The following ADAMTS18 variants were observed in gnomAD, a reference collection of about 807,000 sequenced individuals.
ADAMTS18 encodes the protein ADAM metallopeptidase with thrombospondin type 1 motif 18.
A neutral mutation model predicts 165.9 loss-of-function variants in ADAMTS18; 157 were observed. That is an observed-to-expected ratio of 0.95 (90% CI 0.83 to 1.08). The LOEUF is 1.08. ADAMTS18 is among the 50% of genes least tolerant of loss of function. The pLI, the probability that ADAMTS18 is intolerant of heterozygous loss-of-function variation, is 0.00. For synonymous variants in ADAMTS18, 782 were observed against 578.2 expected (o/e 1.35, Z -5.06); for missense variants, 2,040 against 1,534.0 (o/e 1.33, Z -5.51).
At chr16:77,291,820 C>T (rs1162843685) in intron 20 of ADAMTS18, among the ~76,000 whole-genome samples, 2 of 152,174 alleles carry the variant, frequency 1.3e-5, no homozygotes, top group Non-Finnish European at 2.9e-5. Flanking sequence ...TAGGGTTACA[C>T]ACTTACAGGT....
chr16:77,391,891 G>A (rs961214887), intron 3 of ADAMTS18, among the ~76,000 whole-genome samples: 1 of 152,144 alleles, frequency 6.6e-6, no homozygotes, highest in Non-Finnish European at 1.5e-5. Context: ...TCCACATCAT[G>A]GAAAGAAGGT....
chr16:77,368,534 T>C (rs1468824018), intron 3 of ADAMTS18, among the ~76,000 whole-genome samples: 1 of 151,512 alleles, frequency 6.6e-6, no homozygotes, highest in Non-Finnish European at 1.5e-5. Flanking sequence ...CCTACTGGTC[T>C]CAAGCAATCC....
At chr16:77,416,063 G>A (rs559647728) in intron 3 of ADAMTS18, among the ~76,000 whole-genome samples, 9 of 152,232 alleles carry the variant, frequency 5.9e-5, no homozygotes, top group Non-Finnish European at 8.8e-5. Context: ...CAAGCACTGG[G>A]CAATAAATAA....
intron 4 of ADAMTS18, among the ~76,000 whole-genome samples, chr16:77,365,179 A>AAACAACAACAAC (rs10680519): frequency 2.0e-5 from 3 of 151,482 alleles, no homozygotes; most frequent in African/African-American, 7.3e-5. Flanking sequence ...ATTTCATCTC[A>AAACAACAACAAC]AACAACAAAA....
At chr16:77,300,094 T>C (rs1014421002) in intron 17 of ADAMTS18, 169 bp downstream of exon 17, 14 of 751,200 alleles carry the variant, frequency 1.9e-5, no homozygotes, top group Admixed American at 1.3e-4. Flanking sequence ...CCTTACCACA[T>C]AGGAAAACCC....
intron 3 of ADAMTS18, among the ~76,000 whole-genome samples, chr16:77,381,801 C>CA (rs2057034996): frequency 6.6e-6 from 1 of 151,936 alleles, no homozygotes; most frequent in South Asian, 2.1e-4. Context: ...GACTCCATCT[C>CA]AAAAAAATAA....
chr16:77,335,817 C>T lies in ADAMTS18; in HGVS notation c.1798G>A (p.Glu600Lys). 1 of 1,614,232 alleles carries T rather than the reference C, an allele frequency of 6.2e-7. No individual in the cohort carries two copies. The highest frequency in any genetic ancestry group is 8.5e-7 in the Non-Finnish European group (1 of 1,180,050). Residue 600 changes from glutamate (E) to lysine (K), a missense_variant, in exon 12 of 23, where the codon GAA (glutamate) becomes AAA (lysine). Transcript: ENST00000282849. ...CCTCCACCACATGTCCGGGAACATTCTGACCACTTCGACCAGGCGGACCAC... is the reference window on the plus strand; with the variant it reads ...CCTCCACCACATGTCCGGGAACATTTTGACCACTTCGACCAGGCGGACCAC... ...GQWSAWSKWS[E>K]CSRTCGGGVK...
At chr16:77,339,848 A>G (rs952155758) in intron 11 of ADAMTS18, among the ~76,000 whole-genome samples, 2 of 151,140 alleles carry the variant, frequency 1.3e-5, no homozygotes, top group Admixed American at 1.3e-4. Flanking sequence ...CTTTAAAACA[A>G]AGAGTTAAAA....
At chr16:77,304,994 A>G (rs1017032683) in intron 16 of ADAMTS18, among the ~76,000 whole-genome samples, 6 of 152,236 alleles carry the variant, frequency 3.9e-5, no homozygotes, top group African/African-American at 1.4e-4. Context: ...GCAGAGTTCA[A>G]TGTGTTATCA....
chr16:77,433,025 A>C (rs768339739), intron 2 of ADAMTS18, among the ~76,000 whole-genome samples: 4 of 152,138 alleles, frequency 2.6e-5, no homozygotes, highest in African/African-American at 4.8e-5. Context: ...ATTTTACAAT[A>C]ATGGGGGGAA....
At chr16:77,401,878 T>C (rs1417420760) in intron 3 of ADAMTS18, among the ~76,000 whole-genome samples, 1 of 152,210 alleles carries the variant, frequency 6.6e-6, no homozygotes, top group Non-Finnish European at 1.5e-5. Flanking sequence ...TCCAGGTTCT[T>C]GGACTTCTGT....
intron 3 of ADAMTS18, among the ~76,000 whole-genome samples, chr16:77,397,295 G>T (rs116071679): frequency 6.6e-6 from 1 of 152,092 alleles, no homozygotes; most frequent in Admixed American, 6.5e-5. Flanking sequence ...ACAAAAGAAG[G>T]GCAGAGTCCT....
intron 3 of ADAMTS18, among the ~76,000 whole-genome samples, chr16:77,370,750 C>CA (rs1017062027): frequency 8.7e-5 from 13 of 149,962 alleles, no homozygotes; most frequent in Admixed American, 2.0e-4. Context: ...AACTCTGTCT[C>CA]AAAAAAAACC....
chr16:77,333,975 C>T (rs538082858), intron 12 of ADAMTS18, among the ~76,000 whole-genome samples: 291 of 109,066 alleles, frequency 2.7e-3, no homozygotes, highest in African/African-American at 9.7e-3. Flanking sequence ...AATATAGTGT[C>T]ATATATGCTA....
intron 12 of ADAMTS18, 84 bp from the exon 13 acceptor site, chr16:77,326,122 G>T (rs62044892): frequency 0.39 from 523,023 of 1,354,952 alleles, 109,457 homozygotes; most frequent in East Asian, 0.89. Flanking sequence ...GAGAGGCAAT[G>T]AAGATGAGCA....
intron 16 of ADAMTS18, among the ~76,000 whole-genome samples, chr16:77,300,930 C>A (rs1039711570): frequency 6.6e-6 from 1 of 152,168 alleles, no homozygotes; most frequent in Admixed American, 6.5e-5. Flanking sequence ...CCACAGAATA[C>A]CCCCACTTAG....
At position 77,390,888 on chromosome 16, in the gene ADAMTS18, G is replaced by A. The variant is rs529705021; in HGVS notation, c.496-23165C>T. Among the ~76,000 whole-genome samples the A allele has an allele frequency of 2.1e-3, 326 of 152,238 alleles. 1 individual carries two copies. The highest frequency in any genetic ancestry group is 7.4e-3 in the African/African-American group (306 of 41,538). ...ATACTAGGCATATTTCAAGTGCCCA[G>A]TAGCCACGTGGTTGGCAGCTACCAT... is the stretch of plus-strand genomic sequence containing the variant. On this transcript the variant is annotated intron_variant, in intron 3 of 22. Coordinates refer to ENST00000282849, the MANE Select transcript of ADAMTS18 (RefSeq NM_199355.4).
chr16:77,430,950 G>A (rs1269014354), intron 3 of ADAMTS18, among the ~76,000 whole-genome samples: 5 of 152,274 alleles, frequency 3.3e-5, no homozygotes, highest in East Asian at 1.9e-4. Context: ...CCATGTAGAC[G>A]CATGAAGCTT....
At chr16:77,355,358 T>G in intron 9 of ADAMTS18, among the ~76,000 whole-genome samples, 1 of 152,176 alleles carries the variant, frequency 6.6e-6, no homozygotes, top group Non-Finnish European at 1.5e-5. Context: ...ACCATCTTCT[T>G]TGGCTATCAT....
Sources: gnomAD v4.1 joint callset for allele counts (sites outside exome capture counted in the v4.1 genomes callset) on GRCh38, gnomAD v4.1.1 for gene constraint, MANE v1.5 for transcripts, NCBI Gene and HGNC (gene_info 2026-07-23, HGNC 2026-07-21) for gene names.